The following MAP2K5 variants were observed in gnomAD, a reference collection of about 807,000 sequenced individuals.
The protein encoded by MAP2K5 is dual specificity mitogen-activated protein kinase kinase 5.
MAP2K5 carries 49 observed loss-of-function variants against 83.1 expected under a neutral mutation model. That is an observed-to-expected ratio of 0.59 (90% CI 0.47 to 0.75). The LOEUF is 0.75. MAP2K5 is among the 30% of genes least tolerant of loss of function. The probability of loss-of-function intolerance (pLI) is 0.00; values close to 1 mark genes in which losing one functional copy is unlikely to be tolerated. For synonymous variants in MAP2K5, 202 were observed against 191.8 expected, an observed-to-expected ratio of 1.05 and a Z score of -0.44; for missense variants, 457 against 557.5, an observed-to-expected ratio of 0.82 and a Z score of 1.82.
chr15:67,627,791 C>G (rs72749380), intron 8 of MAP2K5: 44,003 of 340,344 alleles, frequency 0.13, 3,140 homozygotes, highest in East Asian at 0.2. Flanking sequence ...TTTGTCAGTC[C>G]TTTCTGCTCG....
intron 3 of MAP2K5, among the ~76,000 whole-genome samples, chr15:67,566,419 G>A (rs1188606269): frequency 2.0e-5 from 3 of 151,854 alleles, no homozygotes; most frequent in Admixed American, 6.6e-5. Flanking sequence ...CAAGTGATCC[G>A]CACACCTTGG....
rs187144875 is a variant in MAP2K5 at position 67,689,696 on chromosome 15, C to T, written c.848-2783C>T. Among the ~76,000 whole-genome samples the T allele has an allele frequency of 8.0e-4, 122 of 152,018 alleles. 1 individual carries two copies. The East Asian group carries it at 9.4e-3, about 12-fold the overall frequency. On this transcript the variant is annotated intron_variant, in intron 13 of 21. Transcript: ENST00000178640. ...AATGCAGTCAGGTTCTTATTTACAC[C>T]TTGTCTTTTGGAATATAGTTTAGCA...
intron 15 of MAP2K5, among the ~76,000 whole-genome samples, chr15:67,701,980 AC>A (rs1290449824): frequency 6.6e-6 from 1 of 152,202 alleles, no homozygotes; most frequent in Non-Finnish European, 1.5e-5. Context: ...TAGACTTTGA[AC>A]AAGTCACTTA....
chr15:67,548,834 A>T (rs2084447436), intron 1 of MAP2K5, among the ~76,000 whole-genome samples: 1 of 152,194 alleles, frequency 6.6e-6, no homozygotes, highest in Non-Finnish European at 1.5e-5. Context: ...CAGAAAAAAA[A>T]ATCTCTTTTG....
chr15:67,718,843 TG>T (rs1242424157), intron 16 of MAP2K5, among the ~76,000 whole-genome samples: 1 of 152,222 alleles, frequency 6.6e-6, no homozygotes, highest in African/African-American at 2.4e-5. Context: ...GCATACAATG[TG>T]TAATAATCAC....
At chr15:67,728,980 C>T (rs1325241021) in intron 17 of MAP2K5, among the ~76,000 whole-genome samples, 2 of 152,162 alleles carry the variant, frequency 1.3e-5, no homozygotes, top group African/African-American at 2.4e-5. Context: ...TAGTTAAAGC[C>T]ATCAGATAAG....
At chr15:67,721,460 C>T (rs967331725) in intron 16 of MAP2K5, among the ~76,000 whole-genome samples, 5 of 152,194 alleles carry the variant, frequency 3.3e-5, no homozygotes, top group African/African-American at 1.2e-4. Flanking sequence ...ACATTAGTTA[C>T]AAGCTCTCAG....
At chr15:67,612,287 AG>A (rs1410884816) in intron 8 of MAP2K5, among the ~76,000 whole-genome samples, 1 of 152,144 alleles carries the variant, frequency 6.6e-6, no homozygotes, top group Non-Finnish European at 1.5e-5. Flanking sequence ...AATGGATTGG[AG>A]AATAACACCT....
At chr15:67,743,907 A>G (rs1460217142) in intron 17 of MAP2K5, among the ~76,000 whole-genome samples, 1 of 152,144 alleles carries the variant, frequency 6.6e-6, no homozygotes, top group Non-Finnish European at 1.5e-5. Flanking sequence ...GCTTCTGGGG[A>G]CCATGGGCAT....
chr15:67,667,103 T>C (rs2087400663), intron 13 of MAP2K5, among the ~76,000 whole-genome samples: 1 of 152,242 alleles, frequency 6.6e-6, no homozygotes, highest in Non-Finnish European at 1.5e-5. Context: ...TGTAAAGCAT[T>C]GTAATGAGAA....
rs151044548 is a variant in MAP2K5, at chr15:67,662,026, A to G, written c.799-2571A>G. 7.9e-3 allele frequency among the ~76,000 whole-genome samples: 1,203 copies of G among 152,226 alleles called. 4 individuals carry two copies. Among genetic ancestry groups the G allele is most frequent in the Non-Finnish European group, 0.013 (898 of 67,988 alleles). ...TGTATTGTCTTCCTGTCCAGAATAC[A>G]TGTGTTTTATTGTAATGCCAGTTAT... On this transcript the variant is annotated intron_variant, in intron 12 of 21. Transcript: ENST00000178640.
intron 11 of MAP2K5, among the ~76,000 whole-genome samples, chr15:67,651,505 C>A (rs2086953355): frequency 6.6e-6 from 1 of 152,160 alleles, no homozygotes; most frequent in South Asian, 2.1e-4. Context: ...TACCCATTAA[C>A]CAACCCCTCT....
At chr15:67,797,731 G>A (rs887631845) in intron 21 of MAP2K5, among the ~76,000 whole-genome samples, 1 of 152,050 alleles carries the variant, frequency 6.6e-6, no homozygotes, top group Admixed American at 6.5e-5. Context: ...GGCCCAGGCT[G>A]GAGTGCAGTG....
intron 8 of MAP2K5, among the ~76,000 whole-genome samples, chr15:67,630,333 G>T (rs1201618287): frequency 6.6e-6 from 1 of 151,922 alleles, no homozygotes; most frequent in Non-Finnish European, 1.5e-5. Flanking sequence ...TTCATAAATG[G>T]ATACATTTAT....
chr15:67,709,232 G>T (rs922620865), intron 16 of MAP2K5, among the ~76,000 whole-genome samples: 5 of 152,146 alleles, frequency 3.3e-5, no homozygotes, highest in Non-Finnish European at 5.9e-5. Context: ...AAGAGAACCC[G>T]TGTGGAACTG....
intron 8 of MAP2K5, among the ~76,000 whole-genome samples, chr15:67,630,463 A>G (rs780179277): frequency 2.4e-4 from 36 of 147,654 alleles, no homozygotes; most frequent in African/African-American, 6.6e-4. Context: ...AAAAAATGGG[A>G]AAAAAAAAGC....
At chr15:67,614,419 A>ACG (rs2086006111) in intron 8 of MAP2K5, among the ~76,000 whole-genome samples, 1 of 152,224 alleles carries the variant, frequency 6.6e-6, no homozygotes, top group Non-Finnish European at 1.5e-5. Flanking sequence ...GTGAGCAAAG[A>ACG]TTAGATGGTT....
intron 16 of MAP2K5, among the ~76,000 whole-genome samples, chr15:67,714,679 A>C (rs1486703344): frequency 5.9e-5 from 9 of 152,160 alleles, no homozygotes; most frequent in Admixed American, 5.9e-4. Flanking sequence ...AGTTTCAAGA[A>C]TGTGAGTGAA....
intron 13 of MAP2K5, among the ~76,000 whole-genome samples, chr15:67,664,859 C>A (rs1038759809): frequency 1.3e-5 from 2 of 152,104 alleles, no homozygotes; most frequent in African/African-American, 4.8e-5. Context: ...TTGTGAATCA[C>A]CTTTGTCAAA....
Sources: allele counts gnomAD v4.1 joint callset (sites outside exome capture counted in the v4.1 genomes callset), GRCh38; gene constraint gnomAD v4.1.1; transcripts MANE v1.5; gene names NCBI Gene and HGNC (gene_info 2026-07-23, HGNC 2026-07-21).